Variants in CGAS observed in about 807,000 individuals in gnomAD.
CGAS encodes 2'3'-cGAMP synthase.
CGAS carries 31 observed loss-of-function variants against 34.0 expected under a neutral mutation model. That is an observed-to-expected ratio of 0.91 (90% confidence interval 0.69 to 1.23). CGAS has a LOEUF of 1.23. CGAS is among the 50% of genes most tolerant of loss of function. The pLI, the probability that CGAS is intolerant of heterozygous loss-of-function variation, is 0.00. For synonymous variants in CGAS, 266 were observed against 260.0 expected (o/e 1.02, Z -0.22); for missense variants, 597 against 657.6 (o/e 0.91, Z 1.01).
intron 3 of CGAS, chr6:73,439,890 A>G: frequency 3.7e-6 from 1 of 273,390 alleles, no homozygotes; most frequent in African/African-American, 2.2e-5. Flanking sequence ...TCGAATTCAC[A>G]CAACTAGTAG....
At position 73,429,609 on chromosome 6, in the gene CGAS, A is replaced by G. The variant is rs181574492; in HGVS notation, c.1115-798T>C. Among the ~76,000 whole-genome samples, 824 of 151,902 alleles carry G rather than the reference A, an allele frequency of 5.4e-3. 5 individuals carry two copies. The highest frequency in any genetic ancestry group is 0.016 in the African/African-American group (643 of 41,456). On this transcript the variant is annotated intron_variant, in intron 3 of 4. Transcript: ENST00000370315. ...TGGGAGGCCAAGGTGGGCGGATCAC[A>G]AGGTCGGGAGATCAAGACCATCCTG...
At chr6:73,450,615 G>T (rs1770549130) in intron 1 of CGAS, among the ~76,000 whole-genome samples, 1 of 152,034 alleles carries the variant, frequency 6.6e-6, no homozygotes, top group African/African-American at 2.4e-5. Flanking sequence ...TCTAGAAAGC[G>T]TTTTAGTATC....
chr6:73,445,094 C>T (rs1259085310), intron 2 of CGAS, among the ~76,000 whole-genome samples: 3 of 151,880 alleles, frequency 2.0e-5, no homozygotes, highest in Non-Finnish European at 4.4e-5. Context: ...GTTTGGAGTG[C>T]AAAGGATATA....
At chr6:73,427,656 TTATGGTGTG>T (rs1770112276) in intron 4 of CGAS, among the ~76,000 whole-genome samples, 1 of 151,940 alleles carries the variant, frequency 6.6e-6, no homozygotes, top group East Asian at 1.9e-4. Flanking sequence ...TCTTAGTTCT[TTATGGTGTG>T]TATGCCATCA....
In CGAS at chr6:73,451,531, G is replaced by C. The variant is rs773683850; in HGVS notation, c.651C>G (p.His217Gln). Residue 217 changes from histidine to glutamine, a missense_variant, in exon 1 of 5, where the codon CAC becomes CAG. This residue lies in a region of CGAS where 321 missense variants were observed against 314.3 expected (regional missense o/e 1.02). Transcript: ENST00000370315. ...GLLNTGSYYE[H>Q]VKISAPNEFD... is the part of the protein sequence containing the mutation. The stretch of plus-strand genomic sequence containing the variant: ...AGGGCGCCAAGCAGCTCACCTTCAC[G>C]TGCTCATAGTAGCTCCCGGTGTTCA... The C allele has an allele frequency of 9.6e-6, 15 of 1,558,706 alleles. No individual in the cohort carries two copies. Among genetic ancestry groups the C allele is most frequent in the Middle Eastern group, 1.7e-4 (1 of 5,994 alleles).
At position 73,440,507 on chromosome 6, in the gene CGAS, G is replaced by A. The variant is rs1449704901; in HGVS notation, c.878-62C>T. 2.3e-6 allele frequency: 3 copies of A among 1,303,230 alleles called. No homozygotes were observed. The African/African-American group carries it at 4.5e-5, about 19-fold the overall frequency. 80.7% of individuals were successfully genotyped at this position (1,303,230 alleles called of 1,614,324 possible). A position where few individuals can be genotyped will look rare whatever the true frequency, so the allele number is the denominator to read the frequency against. ...AATCCAATTTTCTCTGGAAATACAG[G>A]GGAAATAATGTAACTATAATTGAAG... On this transcript the variant is annotated intron_variant, in intron 2 of 4. Transcript: ENST00000370315.
At chr6:73,427,425 G>A (rs1770108052) in intron 4 of CGAS, among the ~76,000 whole-genome samples, 1 of 151,722 alleles carries the variant, frequency 6.6e-6, no homozygotes, top group Non-Finnish European at 1.5e-5. Context: ...TCAGCCTCCT[G>A]AGTAGCGGGG....
chr6:73,448,582 A>AT (rs1015597594), intron 1 of CGAS, among the ~76,000 whole-genome samples: 69 of 151,582 alleles, frequency 4.6e-4, no homozygotes, highest in African/African-American at 1.1e-3. Flanking sequence ...TATTTTCGAG[A>AT]TTTTTTTTTA....
intron 1 of CGAS, among the ~76,000 whole-genome samples, chr6:73,446,893 T>C (rs1180890920): frequency 6.6e-6 from 1 of 151,922 alleles, no homozygotes; most frequent in Non-Finnish European, 1.5e-5. Context: ...TCGTCTCTAT[T>C]AAAAATATGA....
chr6:73,445,664 T>C lies in CGAS; in HGVS notation c.741A>G (p.Ala247=), dbSNP rs1172401769. Residue 247 remains alanine (A), a synonymous_variant, in exon 2 of 5, where the codon GCA becomes GCG. Transcript: ENST00000370315. ...TTCTTTTAAATTTCACAAAGTAATA[T>C]GCACGAGTGTTGGAATATTCTTCTA... ...IQLEEYSNTR[A]YYFVKFKRNP... is the part of the protein sequence containing the mutation. The C allele has an allele frequency of 1.9e-6, 3 of 1,613,122 alleles. No individual in the cohort carries two copies. The highest frequency in any genetic ancestry group is 2.2e-5 in the East Asian group (1 of 44,736).
chr6:73,447,764 G>A (rs1205559500), intron 1 of CGAS, among the ~76,000 whole-genome samples: 5 of 152,076 alleles, frequency 3.3e-5, no homozygotes, highest in Non-Finnish European at 7.4e-5. Flanking sequence ...TGATATTTTT[G>A]ATGATATTCT....
rs311678 is a variant in CGAS, at chr6:73,425,293, C to A, written c.1503G>T (p.Lys501Asn). The change falls in exon 5 of 5, where the codon AAG (lysine) becomes AAT (asparagine). Residue 501 changes from lysine (K) to asparagine (N), a missense_variant. This residue lies in a region of CGAS where 271 missense variants were observed against 324.1 expected (regional missense o/e 0.84). Transcript: ENST00000370315. Reference protein sequence around the residue: ...FSSNLIDKRSKEFLTKQIEYE... With the variant: ...FSSNLIDKRSNEFLTKQIEYE... ...ATTCAATTTGCTTTGTCAGAAATTC[C>A]TTACTTCTTTTGTCAATTAAGTTGC... 1 of 1,597,688 alleles carries A rather than the reference C, an allele frequency of 6.3e-7. No individual in the cohort carries two copies. The highest frequency in any genetic ancestry group is 8.5e-7 in the Non-Finnish European group (1 of 1,175,590).
intron 3 of CGAS, among the ~76,000 whole-genome samples, chr6:73,439,325 C>CA (rs1770334819): frequency 6.6e-6 from 1 of 150,630 alleles, no homozygotes; most frequent in Admixed American, 6.6e-5. Flanking sequence ...ACTAAAAATA[C>CA]AAAAAATTAG....
intron 2 of CGAS, among the ~76,000 whole-genome samples, chr6:73,442,877 A>G (rs960809314): frequency 3.3e-5 from 5 of 151,654 alleles, no homozygotes; most frequent in African/African-American, 4.8e-5. Flanking sequence ...GATTACAGGC[A>G]TGAGCCACCA....
At chr6:73,439,021 T>A (rs1323090455) in intron 3 of CGAS, among the ~76,000 whole-genome samples, 1 of 152,214 alleles carries the variant, frequency 6.6e-6, no homozygotes, top group Non-Finnish European at 1.5e-5. Flanking sequence ...GTATGCAATA[T>A]ATGAAGTTAT....
Position 73,452,025 on chromosome 6 carries a change from G to T in CGAS, c.157C>A (p.Pro53Thr). 1 of 1,490,124 alleles carries T rather than the reference G, an allele frequency of 6.7e-7. No individual in the cohort carries two copies. The highest frequency in any genetic ancestry group is 8.9e-7 in the Non-Finnish European group (1 of 1,118,044). 92.3% of individuals were successfully genotyped at this position (1,490,124 alleles called of 1,614,324 possible). ...AALPKAGKFG[P>T]ARKSGSRQKK... The stretch of plus-strand genomic sequence containing the variant: ...TGCCGGGATCCCGACTTCCTGGCGG[G>T]GCCGAACTTTCCCGCCTTAGGCAGG... The change falls in exon 1 of 5, where the codon CCC (proline) becomes ACC (threonine). Residue 53 changes from proline to threonine, a missense_variant. Pro to Thr is a conservative substitution (Grantham distance 38, BLOSUM62 -1). This residue lies in a region of CGAS where 321 missense variants were observed against 314.3 expected (regional missense o/e 1.02). Transcript: ENST00000370315.
intron 3 of CGAS, among the ~76,000 whole-genome samples, chr6:73,437,142 A>G (rs570053799): frequency 5.7e-4 from 86 of 152,076 alleles, no homozygotes; most frequent in Non-Finnish European, 6.2e-4. Context: ...ACAGAGCGAG[A>G]CTCTGTCTCA....
intron 3 of CGAS, among the ~76,000 whole-genome samples, chr6:73,434,703 A>G (rs941043035): frequency 3.9e-5 from 6 of 151,948 alleles, no homozygotes; most frequent in Admixed American, 3.9e-4. Context: ...ACTGGAGTGC[A>G]GTGGCATGAT....
intron 4 of CGAS, 97 bp downstream of exon 4, chr6:73,428,612 C>T (rs941710016): frequency 1.7e-6 from 2 of 1,156,202 alleles, no homozygotes; most frequent in African/African-American, 1.6e-5. Context: ...GCCCCCCAGA[C>T]CCAACCCAGC....
Sources: gnomAD v4.1 joint callset for allele counts (sites outside exome capture counted in the v4.1 genomes callset) on GRCh38, gnomAD v4.1.1 for gene constraint, gnomAD v4.1.1 regional missense constraint, MANE v1.5 for transcripts, NCBI Gene and HGNC (gene_info 2026-07-23, HGNC 2026-07-21) for gene names.